ZNF536: variants seen among roughly 807,000 people sequenced by gnomAD.
ZNF536 encodes zinc finger protein 536.
In ZNF536, 13 loss-of-function variants were observed where a neutral mutation model predicts 84.5. That is an observed-to-expected ratio of 0.15 (90% CI 0.10 to 0.24). ZNF536 has a LOEUF of 0.24. ZNF536 is among the 10% of genes least tolerant of loss of function. The probability of loss-of-function intolerance (pLI) is 1.00; values close to 1 mark genes in which losing one functional copy is unlikely to be tolerated. For missense variants in ZNF536, 1,536 were observed against 1,747.5 expected (o/e 0.88, Z 2.16); for synonymous variants, 811 against 742.5 (o/e 1.09, Z -1.50).
In ZNF536 at chr19:30,548,983, G is replaced by A. The variant is rs147936759; in HGVS notation, c.3364G>A (p.Val1122Ile). ...GCAGTTTGGTGTTTACCCAGGCATG[G>A]TTGGCTCAGGGGCCTCCAGTTCCTG... ...YKQFGVYPGMVGSGASSSCPN... is the reference protein window; with the variant it reads ...YKQFGVYPGMIGSGASSSCPN... The change falls in exon 4 of 5, where the codon GTT becomes ATT. Residue 1122 changes from valine to isoleucine, a missense_variant. Val to Ile is a conservative substitution (Grantham distance 29, BLOSUM62 3). Coordinates refer to ENST00000355537, the MANE Select transcript of ZNF536 (RefSeq NM_014717.3). 1.2e-6 allele frequency: 2 copies of A among 1,614,136 alleles called. No homozygotes were observed. The highest frequency in any genetic ancestry group is 2.2e-5 in the East Asian group (1 of 44,854).
In ZNF536 at chr19:30,548,995, G is replaced by A. The variant is rs756428925; in HGVS notation, c.3376G>A (p.Ala1126Thr). 1 of 1,614,136 alleles carries A rather than the reference G, an allele frequency of 6.2e-7. No homozygotes were observed. Among genetic ancestry groups the A allele is most frequent in the Non-Finnish European group, 8.5e-7 (1 of 1,180,036 alleles). ...GVYPGMVGSG[A>T]SSSCPNKEPD... ...TTACCCAGGCATGGTTGGCTCAGGG[G>A]CCTCCAGTTCCTGCCCCAACAAGGA... The change falls in exon 4 of 5, where the codon GCC (alanine) becomes ACC (threonine). Residue 1126 changes from alanine to threonine, a missense_variant. Physicochemically the swap from Ala to Thr is moderately conservative, Grantham distance 58. Coordinates refer to ENST00000355537, the MANE Select transcript of ZNF536 (RefSeq NM_014717.3).
intron 1 of ZNF536, among the ~76,000 whole-genome samples, chr19:30,625,279 C>T (rs1342041617): frequency 6.6e-6 from 1 of 152,182 alleles, no homozygotes; most frequent in Non-Finnish European, 1.5e-5. Context: ...GAGTCATGAT[C>T]ACTTGACCAA....
At chr19:30,452,368 C>A (rs893365537) in intron 2 of ZNF536, among the ~76,000 whole-genome samples, 7 of 152,166 alleles carry the variant, frequency 4.6e-5, no homozygotes, top group African/African-American at 1.7e-4. Context: ...AAGTGCGTTC[C>A]CAGGAAGGGT....
intron 1 of ZNF536, among the ~76,000 whole-genome samples, chr19:30,664,252 C>G (rs1298749471): frequency 6.8e-6 from 1 of 147,924 alleles, no homozygotes; most frequent in African/African-American, 2.5e-5. Context: ...CTCTCTCTCT[C>G]TCTCTCTCTC....
intron 1 of ZNF536, among the ~76,000 whole-genome samples, chr19:30,671,542 G>A (rs925939562): frequency 2.6e-5 from 4 of 152,130 alleles, no homozygotes; most frequent in Admixed American, 6.5e-5. Context: ...AGAACTGAGG[G>A]AGAAGGAGAA....
At chr19:30,409,769 A>G (rs962179257) in intron 1 of ZNF536, among the ~76,000 whole-genome samples, 3 of 152,216 alleles carry the variant, frequency 2.0e-5, no homozygotes, top group Non-Finnish European at 4.4e-5. Flanking sequence ...ACAAAGTGGT[A>G]CACCGTACTA....
chr19:30,622,670 C>T (rs531681736), intron 1 of ZNF536, among the ~76,000 whole-genome samples: 1 of 152,274 alleles, frequency 6.6e-6, no homozygotes, highest in Admixed American at 6.5e-5. Flanking sequence ...TGTTGTTTTA[C>T]CCTCAGCTCC....
At chr19:30,651,162 G>A (rs1387701392) in intron 1 of ZNF536, among the ~76,000 whole-genome samples, 1 of 152,196 alleles carries the variant, frequency 6.6e-6, no homozygotes, top group Non-Finnish European at 1.5e-5. Context: ...AGAGGGGTTA[G>A]GTGGGGTCCT....
downstream of ZNF536, among the ~76,000 whole-genome samples, chr19:30,559,069 G>A (rs1482920917): frequency 1.3e-5 from 2 of 152,250 alleles, no homozygotes; most frequent in African/African-American, 4.8e-5. Flanking sequence ...AAAGACCACA[G>A]TATGGCATTA....
At chr19:30,227,875 G>A (rs1320664228), upstream of ZNF536, among the ~76,000 whole-genome samples, 1 of 151,376 alleles carries the variant, frequency 6.6e-6, no homozygotes, top group African/African-American at 2.4e-5. Flanking sequence ...CGCGGAGGGG[G>A]CCGGCGGAGG....
intron 1 of ZNF536, among the ~76,000 whole-genome samples, chr19:30,646,254 C>T (rs946616625): frequency 5.9e-5 from 9 of 152,180 alleles, no homozygotes; most frequent in African/African-American, 2.2e-4. Flanking sequence ...TGTGCCTCCC[C>T]AACTGTCCTG....
intron 1 of ZNF536, among the ~76,000 whole-genome samples, chr19:30,424,682 G>T (rs527664324): frequency 2.0e-5 from 3 of 152,264 alleles, no homozygotes; most frequent in Admixed American, 2.0e-4. Context: ...AAATCCACAC[G>T]GCCTTCTTTC....
intron 2 of ZNF536, among the ~76,000 whole-genome samples, chr19:30,343,726 ACT>A (rs1184459772): frequency 6.6e-6 from 1 of 152,160 alleles, no homozygotes; most frequent in African/African-American, 2.4e-5. Flanking sequence ...AAACAGATAA[ACT>A]TTTGCAAGTG....
chr19:30,264,161 G>T (rs924502897), intron 1 of ZNF536, among the ~76,000 whole-genome samples: 3 of 152,204 alleles, frequency 2.0e-5, no homozygotes, highest in Non-Finnish European at 4.4e-5. Flanking sequence ...GCTGGTGAAA[G>T]CTTTCTTAAA....
intron 2 of ZNF536, among the ~76,000 whole-genome samples, chr19:30,496,504 G>A (rs1485853131): frequency 6.6e-6 from 1 of 152,198 alleles, no homozygotes; most frequent in African/African-American, 2.4e-5. Flanking sequence ...ACTGAGCAGT[G>A]AGCTGAGATT....
chr19:30,496,197 T>C (rs919803), intron 2 of ZNF536, among the ~76,000 whole-genome samples: 43,453 of 151,922 alleles, frequency 0.29, 6,387 homozygotes, highest in African/African-American at 0.35. Flanking sequence ...CATGCAATGA[T>C]CCTGGGCCAT....
chr19:30,559,451 C>T (rs2046079300), downstream of ZNF536, among the ~76,000 whole-genome samples: 1 of 152,198 alleles, frequency 6.6e-6, no homozygotes, highest in African/African-American at 2.4e-5. Context: ...TCCCCTGAGT[C>T]TAAGGACCTG....
At chr19:30,363,024 A>C (rs1600392845) in intron 3 of ZNF536, among the ~76,000 whole-genome samples, 1 of 151,566 alleles carries the variant, frequency 6.6e-6, no homozygotes, top group Non-Finnish European at 1.5e-5. Context: ...GTGCCACTGC[A>C]CTCCAGCCTG....
At chr19:30,466,267 C>T (rs1255788097) in intron 2 of ZNF536, among the ~76,000 whole-genome samples, 1 of 151,530 alleles carries the variant, frequency 6.6e-6, no homozygotes, top group African/African-American at 2.4e-5. Flanking sequence ...TTAGGCTGGA[C>T]ACCATGGCTC....
Sources: allele counts gnomAD v4.1 joint callset (sites outside exome capture counted in the v4.1 genomes callset), GRCh38; gene constraint gnomAD v4.1.1; transcripts MANE v1.5; gene names NCBI Gene and HGNC (gene_info 2026-07-23, HGNC 2026-07-21).